Variants in KLHL29 observed in about 807,000 individuals in gnomAD.
KLHL29 encodes kelch-like protein 29.
A neutral mutation model predicts 80.4 loss-of-function variants in KLHL29; 21 were observed. That is an observed-to-expected ratio of 0.26 (90% CI 0.19 to 0.38). The LOEUF is 0.38. Among genes scored for constraint, KLHL29 ranks in the 10% least tolerant of loss-of-function variants. KLHL29 has a pLI of 1.00. For synonymous variants in KLHL29, 511 were observed against 526.8 expected (o/e 0.97, Z 0.41); for missense variants, 867 against 1,223.9 (o/e 0.71, Z 4.35).
intron 2 of KLHL29, among the ~76,000 whole-genome samples, chr2:23,484,460 A>G (rs1402090858): frequency 6.6e-6 from 1 of 152,220 alleles, no homozygotes; most frequent in Non-Finnish European, 1.5e-5. Flanking sequence ...ACCTAGTAAC[A>G]GCACAGGAGG....
At chr2:23,518,012 C>T (rs578105792) in intron 2 of KLHL29, among the ~76,000 whole-genome samples, 167 of 152,334 alleles carry the variant, frequency 1.1e-3, no homozygotes, top group Non-Finnish European at 2.2e-3. Flanking sequence ...AGTCCCCTTT[C>T]CCAGAGGACT....
intron 1 of KLHL29, among the ~76,000 whole-genome samples, chr2:23,408,263 TAAAAAAAAAAAAAAAAAAAAAAAAA>T (rs55790582): frequency 3.8e-5 from 2 of 52,678 alleles, no homozygotes; most frequent in African/African-American, 1.3e-4. Context: ...CATTTCACGC[TAAAAAAAAAAAAAAAAAAAAAAAAA>T]AAAAAAAAAA....
rs147406507 is a variant in KLHL29 at position 23,599,154 on chromosome 2, G to A, written c.285+36673G>A. Among the ~76,000 whole-genome samples, 394 of 152,318 alleles carry A rather than the reference G, an allele frequency of 2.6e-3. 2 individuals are homozygous for A. Among genetic ancestry groups the A allele is most frequent in the African/African-American group, 8.3e-3 (346 of 41,580 alleles). The stretch of plus-strand genomic sequence containing the variant: ...GATGATGAAGATAAATGCATGTCCC[G>A]CAGAATCATCTGAAGCCTGCGGCAA... On this transcript the variant is annotated intron_variant, in intron 3 of 13. Transcript: ENST00000486442.
At chr2:23,638,861 G>C (rs1669687305) in intron 3 of KLHL29, among the ~76,000 whole-genome samples, 1 of 152,196 alleles carries the variant, frequency 6.6e-6, no homozygotes, top group Non-Finnish European at 1.5e-5. Flanking sequence ...CAGGTGGAGT[G>C]AGTGGCCACG....
rs571287623 is a variant in KLHL29, at chr2:23,571,116, T to G, written c.285+8635T>G. Among the ~76,000 whole-genome samples, 144 of 152,362 alleles carry G rather than the reference T, an allele frequency of 9.5e-4. 2 individuals carry two copies. The highest frequency in any genetic ancestry group is 8.3e-4 in the South Asian group (4 of 4,822). The stretch of plus-strand genomic sequence containing the variant: ...TCTGGCAGGACAAGGGGACTCAGCA[T>G]AGGACAGCCTCTTTACAGATGAAAA... On this transcript the variant is annotated intron_variant, in intron 3 of 13. Coordinates refer to ENST00000486442, the MANE Select transcript of KLHL29 (RefSeq NM_052920.2).
chr2:23,597,399 ATATATATATTTTTTT>A (rs1255372072), intron 3 of KLHL29, among the ~76,000 whole-genome samples: 56 of 79,732 alleles, frequency 7.0e-4, no homozygotes, highest in Non-Finnish European at 1.1e-3. Context: ...ATATATATAT[ATATATATATTTTTTT>A]TTTTTTTTTT....
intron 2 of KLHL29, among the ~76,000 whole-genome samples, chr2:23,560,005 G>T (rs371407054): frequency 6.6e-6 from 1 of 152,186 alleles, no homozygotes; most frequent in East Asian, 1.9e-4. Flanking sequence ...CAGCCACGTC[G>T]CAAGTGAGGG....
chr2:23,506,475 C>T (rs1446106583), intron 2 of KLHL29, among the ~76,000 whole-genome samples: 1 of 152,242 alleles, frequency 6.6e-6, no homozygotes, highest in African/African-American at 2.4e-5. Flanking sequence ...CCAAGAGCCA[C>T]TGCTCCTGTA....
intron 1 of KLHL29, among the ~76,000 whole-genome samples, chr2:23,471,405 A>G (rs1008024376): frequency 6.6e-6 from 1 of 152,282 alleles, no homozygotes; most frequent in Non-Finnish European, 1.5e-5. Context: ...CATGTTAGGA[A>G]CTATCTTTAT....
intron 2 of KLHL29, among the ~76,000 whole-genome samples, chr2:23,516,307 T>C (rs1461207677): frequency 6.6e-6 from 1 of 152,214 alleles, no homozygotes; most frequent in African/African-American, 2.4e-5. Flanking sequence ...GGCAGCACCC[T>C]GCACACAGCC....
chr2:23,397,988 C>T (rs1466083776), intron 1 of KLHL29, among the ~76,000 whole-genome samples: 1 of 138,104 alleles, frequency 7.2e-6, no homozygotes, highest in East Asian at 2.2e-4. Context: ...GGAGAAACTG[C>T]AACCCTTATG....
chr2:23,524,164 G>C (rs995302736), intron 2 of KLHL29: 2 of 408,610 alleles, frequency 4.9e-6, no homozygotes, highest in African/African-American at 2.1e-5. Context: ...ATGCTGGAGC[G>C]GGGGATGACT....
At chr2:23,661,185 T>C (rs1670396405) in intron 5 of KLHL29, among the ~76,000 whole-genome samples, 1 of 151,916 alleles carries the variant, frequency 6.6e-6, no homozygotes, top group Admixed American at 6.6e-5. Flanking sequence ...TACAAAAAAC[T>C]TAAACATTTA....
intron 7 of KLHL29, among the ~76,000 whole-genome samples, chr2:23,692,128 G>T (rs574144897): frequency 6.6e-6 from 1 of 152,348 alleles, no homozygotes; most frequent in Admixed American, 6.5e-5. Context: ...ACTGTGCCCC[G>T]CCAGGCCTTG....
At chr2:23,498,331 T>C (rs912585746) in intron 2 of KLHL29, among the ~76,000 whole-genome samples, 1 of 152,002 alleles carries the variant, frequency 6.6e-6, no homozygotes, top group Non-Finnish European at 1.5e-5. Context: ...CATTCTGCTG[T>C]CTCTACCTTG....
chr2:23,456,956 C>T (rs1435541872), intron 1 of KLHL29, among the ~76,000 whole-genome samples: 1 of 152,198 alleles, frequency 6.6e-6, no homozygotes, highest in Non-Finnish European at 1.5e-5. Flanking sequence ...CTCCAGGTCA[C>T]ACAGGCCACC....
chr2:23,699,387 T>C (rs954661820), intron 11 of KLHL29, among the ~76,000 whole-genome samples: 2 of 152,158 alleles, frequency 1.3e-5, no homozygotes, highest in African/African-American at 4.8e-5. Flanking sequence ...GGGCGGTAGA[T>C]GTGTCCCCTG....
chr2:23,610,221 G>T (rs779415786), intron 3 of KLHL29, among the ~76,000 whole-genome samples: 5 of 152,116 alleles, frequency 3.3e-5, no homozygotes, highest in Non-Finnish European at 5.9e-5. Context: ...GGGTCTGTTG[G>T]GCCCATGGCC....
chr2:23,458,451 T>A (rs1664121807), intron 1 of KLHL29, among the ~76,000 whole-genome samples: 1 of 152,246 alleles, frequency 6.6e-6, no homozygotes, highest in South Asian at 2.1e-4. Context: ...CCAGCTGCAT[T>A]TGGCCACAGG....
Sources: allele counts gnomAD v4.1 joint callset (sites outside exome capture counted in the v4.1 genomes callset), GRCh38; gene constraint gnomAD v4.1.1; transcripts MANE v1.5; gene names NCBI Gene and HGNC (gene_info 2026-07-23, HGNC 2026-07-21).